The following PDE4D variants were observed in gnomAD, a reference collection of about 807,000 sequenced individuals.
PDE4D encodes the protein 3',5'-cyclic-AMP phosphodiesterase 4D.
PDE4D carries 24 observed loss-of-function variants against 87.4 expected under a neutral mutation model. The ratio of observed to expected loss-of-function variants is 0.27; its 90% CI spans 0.20 to 0.39. The LOEUF (loss-of-function observed/expected upper bound fraction) is 0.39. Ranked by LOEUF, PDE4D falls within the 10% of genes least tolerant of loss-of-function variation. The probability of loss-of-function intolerance (pLI) is 1.00; values close to 1 mark genes in which losing one functional copy is unlikely to be tolerated. For synonymous variants in PDE4D, 384 were observed against 383.2 expected, an observed-to-expected ratio of 1.00 and a Z score of -0.02; for missense variants, 714 against 1,041.0, an observed-to-expected ratio of 0.69 and a Z score of 4.32.
chr5:59,308,535 G>T (rs1771883659), intron 1 of PDE4D, among the ~76,000 whole-genome samples: 1 of 151,894 alleles, frequency 6.6e-6, no homozygotes, highest in South Asian at 2.1e-4. Flanking sequence ...TAATTGTTTT[G>T]TTTGAGGAGG....
chr5:60,384,891 A>G (rs1762098397), intron 1 of PDE4D, among the ~76,000 whole-genome samples: 1 of 152,192 alleles, frequency 6.6e-6, no homozygotes, highest in Non-Finnish European at 1.5e-5. Context: ...TTCACCAAAA[A>G]TCCTATTCCT....
chr5:60,471,952 G>A (rs770423504), intron 1 of PDE4D, among the ~76,000 whole-genome samples: 6 of 151,954 alleles, frequency 3.9e-5, no homozygotes, highest in African/African-American at 9.7e-5. Flanking sequence ...CCCATGTAGC[G>A]AGCCCGGGGA....
chr5:60,048,928 G>A (rs1239441342), intron 2 of PDE4D, among the ~76,000 whole-genome samples: 3 of 152,226 alleles, frequency 2.0e-5, no homozygotes, highest in Non-Finnish European at 4.4e-5. Flanking sequence ...GCTACATTGG[G>A]GAAGTTCTCC....
At chr5:59,281,480 A>C (rs898686945) in intron 1 of PDE4D, among the ~76,000 whole-genome samples, 2 of 152,128 alleles carry the variant, frequency 1.3e-5, no homozygotes, top group African/African-American at 4.8e-5. Flanking sequence ...CGCATTTACA[A>C]ATTTTATTTA....
chr5:59,116,130 T>C (rs1364458480), intron 5 of PDE4D, among the ~76,000 whole-genome samples: 1 of 152,168 alleles, frequency 6.6e-6, no homozygotes, highest in Non-Finnish European at 1.5e-5. Context: ...GGAATCTTTG[T>C]CCAAATTCAT....
intron 1 of PDE4D, among the ~76,000 whole-genome samples, chr5:59,278,257 C>G (rs1396935385): frequency 1.3e-5 from 2 of 152,042 alleles, no homozygotes; most frequent in Non-Finnish European, 2.9e-5. Flanking sequence ...CTCTGAAAAG[C>G]TTCCCCAAAT....
intron 6 of PDE4D, among the ~76,000 whole-genome samples, chr5:59,006,795 C>T (rs1751707963): frequency 6.6e-6 from 1 of 152,116 alleles, no homozygotes; most frequent in Non-Finnish European, 1.5e-5. Context: ...ACTGCTGATA[C>T]ATTAACACAT....
chr5:59,803,422 C>T (rs1005685737), intron 1 of PDE4D, among the ~76,000 whole-genome samples: 1 of 152,012 alleles, frequency 6.6e-6, no homozygotes, highest in African/African-American at 2.4e-5. Context: ...CCTCAGCCTC[C>T]CAAGTGGCTG....
intron 3 of PDE4D, among the ~76,000 whole-genome samples, chr5:59,959,244 G>A (rs1432168589): frequency 6.6e-6 from 1 of 152,062 alleles, no homozygotes; most frequent in Non-Finnish European, 1.5e-5. Context: ...AACATTTCAT[G>A]CTCATAGCTT....
At position 59,845,321 on chromosome 5, in the gene PDE4D, C is replaced by G. The variant is rs144289426; in HGVS notation, c.455+47847G>C. ...GGTAACTTCCACTCAGCTTTCAGGT[C>G]TGAGCTGTGAGATCACTTCCTTCAA... On this transcript the variant is annotated intron_variant, in intron 1 of 14. Transcript: ENST00000340635. Among the ~76,000 whole-genome samples the G allele has an allele frequency of 1.2e-3, 180 of 152,174 alleles. 7 individuals carry two copies. The East Asian group carries it at 0.03, about 25-fold the overall frequency.
At chr5:59,692,213 A>G (rs1489620807) in intron 1 of PDE4D, among the ~76,000 whole-genome samples, 6 of 152,180 alleles carry the variant, frequency 3.9e-5, no homozygotes, top group Admixed American at 3.9e-4. Context: ...AAGACTTGAG[A>G]ACCTAGGTAT....
At chr5:59,727,322 G>C (rs1756745376) in intron 1 of PDE4D, among the ~76,000 whole-genome samples, 1 of 152,064 alleles carries the variant, frequency 6.6e-6, no homozygotes, top group African/African-American at 2.4e-5. Flanking sequence ...ATAGACAGTT[G>C]GTTCAGCATA....
chr5:60,449,166 A>T (rs1745893579), intron 1 of PDE4D, among the ~76,000 whole-genome samples: 4 of 151,148 alleles, frequency 2.6e-5, no homozygotes, highest in African/African-American at 9.7e-5. Flanking sequence ...ATCTCCCTAG[A>T]TCCCATTTTT....
intron 2 of PDE4D, among the ~76,000 whole-genome samples, chr5:60,161,824 T>C (rs1316071186): frequency 6.6e-6 from 1 of 152,198 alleles, no homozygotes; most frequent in Non-Finnish European, 1.5e-5. Flanking sequence ...TATTTAGCAT[T>C]AGAGAGGATC....
At chr5:59,743,629 T>C (rs1384432224) in intron 1 of PDE4D, among the ~76,000 whole-genome samples, 1 of 151,894 alleles carries the variant, frequency 6.6e-6, no homozygotes, top group Non-Finnish European at 1.5e-5. Context: ...TATGAAAAAA[T>C]ATATTAAAAA....
chr5:59,179,560 T>C (rs1740983483), intron 5 of PDE4D: 2 of 357,542 alleles, frequency 5.6e-6, no homozygotes, highest in Non-Finnish European at 1.1e-5. Flanking sequence ...TTTCACTTGA[T>C]GACATTCAGA....
At chr5:60,408,345 G>A (rs76399012) in intron 1 of PDE4D, among the ~76,000 whole-genome samples, 4,210 of 152,302 alleles carry the variant, frequency 0.028, 94 homozygotes, top group Middle Eastern at 0.082. Flanking sequence ...CTTTCTCTGT[G>A]GAGGCTCCAA....
intron 1 of PDE4D, among the ~76,000 whole-genome samples, chr5:60,308,418 G>T (rs12188086): frequency 6.6e-6 from 1 of 152,142 alleles, no homozygotes; most frequent in Admixed American, 6.5e-5. Context: ...TTCCAAACTA[G>T]TCTGACCCAC....
chr5:60,127,954 AAAG>A (rs1779255390), intron 2 of PDE4D, among the ~76,000 whole-genome samples: 1 of 152,176 alleles, frequency 6.6e-6, no homozygotes, highest in Non-Finnish European at 1.5e-5. Context: ...AAAGGGAGAT[AAAG>A]AAGGAGAAGC....
Sources: allele counts gnomAD v4.1 joint callset (sites outside exome capture counted in the v4.1 genomes callset), GRCh38; gene constraint gnomAD v4.1.1; transcripts MANE v1.5; gene names NCBI Gene and HGNC (gene_info 2026-07-23, HGNC 2026-07-21).